The following KCNN2 variants were observed in gnomAD, a reference collection of about 807,000 sequenced individuals.
KCNN2 encodes the protein small conductance calcium-activated potassium channel protein 2.
In KCNN2, 24 loss-of-function variants were observed where a neutral mutation model predicts 55.5. That is an observed-to-expected ratio of 0.43 (90% confidence interval 0.31 to 0.61). KCNN2 has a LOEUF of 0.61. Ranked by LOEUF, KCNN2 falls within the 20% of genes least tolerant of loss-of-function variation. The pLI is 0.08. For missense variants in KCNN2, 754 were observed against 853.6 expected (o/e 0.88, Z 1.45); for synonymous variants, 431 against 336.1 (o/e 1.28, Z -3.09).
At chr5:114,142,309 T>A (rs1280533779) in intron 1 of KCNN2, among the ~76,000 whole-genome samples, 1 of 152,172 alleles carries the variant, frequency 6.6e-6, no homozygotes, top group Non-Finnish European at 1.5e-5. Context: ...AATTTTTGTA[T>A]AAGGTGTAAG....
chr5:114,144,325 A>G (rs908301665), intron 1 of KCNN2, among the ~76,000 whole-genome samples: 1 of 152,188 alleles, frequency 6.6e-6, no homozygotes, highest in Non-Finnish European at 1.5e-5. Flanking sequence ...ATTTTTGATC[A>G]ATACCTGACT....
intron 2 of KCNN2, among the ~76,000 whole-genome samples, chr5:114,341,963 A>G (rs1210637426): frequency 2.0e-5 from 3 of 150,208 alleles, no homozygotes; most frequent in Non-Finnish European, 4.4e-5. Flanking sequence ...GTGCAGTGGC[A>G]TGATCTCGGC....
chr5:114,092,225 G>A (rs1419606274), intron 1 of KCNN2, among the ~76,000 whole-genome samples: 1 of 152,182 alleles, frequency 6.6e-6, no homozygotes. Flanking sequence ...AGGGGCTACA[G>A]GTCCCATGAA....
At chr5:114,256,004 C>G (rs1754976602) in intron 2 of KCNN2, among the ~76,000 whole-genome samples, 1 of 152,102 alleles carries the variant, frequency 6.6e-6, no homozygotes, top group Non-Finnish European at 1.5e-5. Flanking sequence ...CCCTCCTACT[C>G]TCTCACCTTT....
chr5:114,456,691 T>G (rs2150109572), intron 3 of KCNN2, among the ~76,000 whole-genome samples: 1 of 152,238 alleles, frequency 6.6e-6, no homozygotes, highest in African/African-American at 2.4e-5. Context: ...GGGAAGGAGG[T>G]CAAAATAGCA....
chr5:114,156,449 C>G (rs1309488020), intron 1 of KCNN2, among the ~76,000 whole-genome samples: 1 of 151,996 alleles, frequency 6.6e-6, no homozygotes, highest in Non-Finnish European at 1.5e-5. Flanking sequence ...GGGAGTAGCA[C>G]TGAATCTATA....
At chr5:114,098,224 G>T (rs1249875605) in intron 1 of KCNN2, among the ~76,000 whole-genome samples, 1 of 151,994 alleles carries the variant, frequency 6.6e-6, no homozygotes, top group Non-Finnish European at 1.5e-5. Flanking sequence ...TCCATCTCAA[G>T]GTTCTTCACT....
intron 2 of KCNN2, among the ~76,000 whole-genome samples, chr5:114,341,923 A>G (rs1433155119): frequency 6.8e-6 from 1 of 147,658 alleles, no homozygotes; most frequent in Non-Finnish European, 1.5e-5. Context: ...TTTTTTTGAG[A>G]CGGAATCTCG....
intron 1 of KCNN2, 90 bp downstream of exon 1, chr5:114,363,351 C>T (rs550944945): frequency 7.1e-7 from 1 of 1,411,312 alleles, no homozygotes; most frequent in Admixed American, 2.7e-5. Flanking sequence ...GTGCGGATCC[C>T]TAGCCTCTCC....
At chr5:114,142,947 G>A (rs559013540) in intron 1 of KCNN2, among the ~76,000 whole-genome samples, 2 of 152,116 alleles carry the variant, frequency 1.3e-5, no homozygotes, top group Non-Finnish European at 2.9e-5. Flanking sequence ...GAGGCATCAC[G>A]CTACCTGTAT....
chr5:114,365,122 T>C (rs1195397898), intron 2 of KCNN2, among the ~76,000 whole-genome samples: 1 of 152,196 alleles, frequency 6.6e-6, no homozygotes, highest in Admixed American at 6.5e-5. Context: ...TTTTTAATGA[T>C]GCCCAGACAA....
At chr5:114,177,426 G>T (rs1032664356) in intron 1 of KCNN2, among the ~76,000 whole-genome samples, 1 of 151,896 alleles carries the variant, frequency 6.6e-6, no homozygotes, top group Non-Finnish European at 1.5e-5. Context: ...AGTGGGCCAC[G>T]GCACCCAGCT....
At position 114,056,104 on chromosome 5, in the gene KCNN2, T is replaced by C. The variant is rs575743085; in HGVS notation, c.-667T>C. 38 of 358,520 alleles carry C rather than the reference T, an allele frequency of 1.1e-4. No individual in the cohort carries two copies. The Admixed American group carries it at 1.7e-3, about 16-fold the overall frequency. The allele number at this position is 358,520 out of a possible 1,614,324, so 22.2% of individuals were successfully genotyped here. A position where few individuals can be genotyped will look rare whatever the true frequency, so the allele number is the denominator to read the frequency against. ...GGGCGCCTGGGATTCGGTTCAATAT[T>C]TAGCACAGTCAGTACCGAAGCAGGG... On this transcript the variant is annotated 5_prime_UTR_variant, in exon 1 of 11. Coordinates refer to the KCNN2 transcript ENST00000512097.
At chr5:114,329,566 TCA>T (rs1008043174) in intron 2 of KCNN2, among the ~76,000 whole-genome samples, 1 of 152,126 alleles carries the variant, frequency 6.6e-6, no homozygotes, top group Non-Finnish European at 1.5e-5. Context: ...GGGCCTTCGG[TCA>T]CAGACTGAAA....
intron 1 of KCNN2, among the ~76,000 whole-genome samples, chr5:114,194,511 C>T (rs1033868178): frequency 1.3e-5 from 2 of 151,940 alleles, no homozygotes; most frequent in Non-Finnish European, 2.9e-5. Context: ...GGAGAAATGT[C>T]TATTCAGATT....
chr5:114,175,428 C>T (rs1352340641), intron 1 of KCNN2, among the ~76,000 whole-genome samples: 1 of 152,088 alleles, frequency 6.6e-6, no homozygotes, highest in Non-Finnish European at 1.5e-5. Context: ...GACTCTTGTG[C>T]ATCAGGTGTA....
At chr5:114,231,942 T>A (rs1754370641) in intron 2 of KCNN2, among the ~76,000 whole-genome samples, 1 of 150,948 alleles carries the variant, frequency 6.6e-6, no homozygotes, top group African/African-American at 2.5e-5. Context: ...GCTATTAGCA[T>A]CTGACTTGGC....
intron 2 of KCNN2, among the ~76,000 whole-genome samples, chr5:114,257,700 A>G (rs893320945): frequency 6.6e-6 from 1 of 152,114 alleles, no homozygotes; most frequent in African/African-American, 2.4e-5. Context: ...CATTGATTTC[A>G]TATCTTGAAA....
At chr5:114,173,459 TGTG>T (rs1251342357) in intron 1 of KCNN2, among the ~76,000 whole-genome samples, 1 of 145,700 alleles carries the variant, frequency 6.9e-6, no homozygotes, top group African/African-American at 2.8e-5. Context: ...TGTGTGTGTG[TGTG>T]TGTGTGTGTG....
Sources: allele counts gnomAD v4.1 joint callset (sites outside exome capture counted in the v4.1 genomes callset), GRCh38; gene constraint gnomAD v4.1.1; transcripts MANE v1.5; gene names NCBI Gene and HGNC (gene_info 2026-07-23, HGNC 2026-07-21).